Variants in NAMPT observed in about 807,000 individuals in gnomAD.
NAMPT encodes the protein nicotinamide phosphoribosyltransferase.
Under a neutral mutation model 58.7 loss-of-function variants are expected in NAMPT, and 7 were observed. That is an observed-to-expected ratio of 0.12 (90% CI 0.07 to 0.22). The LOEUF is 0.22. NAMPT is among the 10% of genes least tolerant of loss of function. The pLI, the probability that NAMPT is intolerant of heterozygous loss-of-function variation, is 1.00. For synonymous variants in NAMPT, 145 were observed against 198.1 expected (o/e 0.73, Z 2.25); for missense variants, 271 against 567.9 (o/e 0.48, Z 5.31).
intron 1 of NAMPT, among the ~76,000 whole-genome samples, chr7:106,278,990 G>A (rs1487225302): frequency 2.0e-5 from 3 of 152,160 alleles, no homozygotes; most frequent in African/African-American, 7.2e-5. Context: ...CTTTTTCTGA[G>A]AAGACGAAGA....
intron 3 of NAMPT, among the ~76,000 whole-genome samples, chr7:106,273,960 G>GT (rs1466901699): frequency 2.0e-5 from 3 of 151,702 alleles, no homozygotes; most frequent in African/African-American, 7.3e-5. Flanking sequence ...AGACTTAAAA[G>GT]TAACACTCAA....
Position 106,268,517 on chromosome 7 carries a change from A to G in NAMPT, c.690T>C (p.Tyr230=), listed in dbSNP as rs1270887370. The G allele has an allele frequency of 2.5e-6, 4 of 1,613,630 alleles. No individual in the cohort carries two copies. In the African/African-American group the frequency reaches 4.0e-5, roughly 16 times the overall value. The change falls in exon 6 of 11, where the codon TAT becomes TAC. Residue 230 remains tyrosine (Y), a synonymous_variant. Coordinates refer to ENST00000222553, the MANE Select transcript of NAMPT (RefSeq NM_005746.3). ...CTGGAACAGGATCTTTCGTTCCATA[A>G]TATTTTTTAATTAGAGCAAGTCCTG... ...TVAGLALIKK[Y]YGTKDPVPGY...
chr7:106,268,677 A>T, intron 5 of NAMPT, 77 bp from the exon 6 acceptor site: 1 of 999,488 alleles, frequency 1.0e-6, no homozygotes, highest in Non-Finnish European at 1.6e-6. Context: ...AGCCAACCAC[A>T]TTTAAGGAAT....
At chr7:106,260,070 T>C (rs1299824801) in intron 8 of NAMPT, among the ~76,000 whole-genome samples, 2 of 152,146 alleles carry the variant, frequency 1.3e-5, no homozygotes, top group East Asian at 3.8e-4. Flanking sequence ...AGCTTCCACT[T>C]AAAAGTGACC....
At chr7:106,253,901 A>AG (rs1464929540) in intron 9 of NAMPT, among the ~76,000 whole-genome samples, 2 of 152,066 alleles carry the variant, frequency 1.3e-5, no homozygotes, top group Non-Finnish European at 2.9e-5. Context: ...CAAAGAAGCA[A>AG]GGGGGGTTGT....
chr7:106,257,852 G>C (rs151171041), intron 8 of NAMPT, among the ~76,000 whole-genome samples: 8 of 152,148 alleles, frequency 5.3e-5, no homozygotes, highest in Admixed American at 5.2e-4. Flanking sequence ...TTCTGAAACA[G>C]ATACAGTACC....
intron 4 of NAMPT, among the ~76,000 whole-genome samples, chr7:106,271,712 A>G (rs1177911153): frequency 1.3e-5 from 2 of 152,096 alleles, no homozygotes; most frequent in Admixed American, 1.3e-4. Context: ...ATGTTTTCCA[A>G]TTTTTATAAG....
intron 1 of NAMPT, among the ~76,000 whole-genome samples, chr7:106,278,071 G>A (rs183672268): frequency 3.3e-5 from 5 of 152,158 alleles, no homozygotes; most frequent in African/African-American, 1.2e-4. Context: ...CATGGCAATG[G>A]CGGAATAAAT....
In NAMPT at chr7:106,268,581, G is replaced by C. The variant is rs750658110; in HGVS notation, c.626C>G (p.Ser209Cys). The change falls in exon 6 of 11, where the codon TCT becomes TGT. Residue 209 changes from serine (S) to cysteine (C), a missense_variant. Around this residue, in one of 4 missense-constraint regions of NAMPT, gnomAD observed 143 missense variants for 331.1 expected, o/e 0.43. Coordinates refer to ENST00000222553, the MANE Select transcript of NAMPT (RefSeq NM_005746.3). ...TCCTTTGAAGTTAACCAAGTGAGCA[G>C]ATGCTCCTATGCCAGCAGTCTGGAA... ...SSQETAGIGA[S>C]AHLVNFKGTD... The C allele has an allele frequency of 1.6e-5, 26 of 1,610,660 alleles. No individual in the cohort carries two copies. The highest frequency in any genetic ancestry group is 8.5e-7 in the Non-Finnish European group (1 of 1,177,004).
intron 8 of NAMPT, among the ~76,000 whole-genome samples, chr7:106,257,645 C>CA (rs2115737062): frequency 6.6e-6 from 1 of 151,128 alleles, no homozygotes; most frequent in Middle Eastern, 3.4e-3. Flanking sequence ...AAAAATCGCA[C>CA]ATACATTCCT....
chr7:106,279,857 T>C (rs954987054), intron 1 of NAMPT, among the ~76,000 whole-genome samples: 2 of 152,056 alleles, frequency 1.3e-5, no homozygotes, highest in African/African-American at 2.4e-5. Flanking sequence ...GAAGGTGACA[T>C]GTGAGCAAGA....
intron 4 of NAMPT, among the ~76,000 whole-genome samples, chr7:106,269,841 G>C (rs900905947): frequency 3.3e-5 from 5 of 152,130 alleles, no homozygotes; most frequent in Non-Finnish European, 1.5e-5. Context: ...TTTACTCCTC[G>C]AGGTAGTCTC....
intron 6 of NAMPT, among the ~76,000 whole-genome samples, chr7:106,266,373 C>A (rs1415434145): frequency 6.6e-6 from 1 of 152,126 alleles, no homozygotes. Context: ...TTTGAAATAA[C>A]CATCAACGAA....
chr7:106,265,575 A>G (rs936850148), intron 6 of NAMPT, among the ~76,000 whole-genome samples: 2 of 151,620 alleles, frequency 1.3e-5, no homozygotes, highest in Admixed American at 1.3e-4. Context: ...CTTAAAAAAA[A>G]AAAAAAAAAA....
chr7:106,272,764 T>C (rs1792560330), intron 3 of NAMPT, 106 bp from the exon 4 acceptor site: 22 of 1,222,166 alleles, frequency 1.8e-5, no homozygotes, highest in East Asian at 2.4e-5. Flanking sequence ...TTTACTGTCA[T>C]AGAAATTGCA....
At chr7:106,266,441 C>A (rs140871804) in intron 6 of NAMPT, among the ~76,000 whole-genome samples, 2,392 of 152,220 alleles carry the variant, frequency 0.016, 62 homozygotes, top group African/African-American at 0.054. Flanking sequence ...CATCTAAGGC[C>A]AAACTAAAAA....
chr7:106,281,617 A>G (rs1261686196), intron 1 of NAMPT, among the ~76,000 whole-genome samples: 1 of 152,248 alleles, frequency 6.6e-6, no homozygotes, highest in Non-Finnish European at 1.5e-5. Flanking sequence ...TGCTAGAAAC[A>G]GCAAAAACCA....
chr7:106,263,605 A>C lies in NAMPT; in HGVS notation c.756T>G (p.Ala252=), dbSNP rs761581800. 6.2e-7 allele frequency: 1 copy of C among 1,612,622 alleles called. No homozygotes were observed. The highest frequency in any genetic ancestry group is 1.7e-5 in the Admixed American group (1 of 59,932). ...VPAAEHSTIT[A]WGKDHEKDAF... is the part of the protein sequence containing the mutation. ...CATCTTTTTCATGGTCTTTCCCCCA[A>C]GCTGTTATGGTACTAGAAAAAAAAA... The change falls in exon 7 of 11, where the codon GCT becomes GCG. Residue 252 remains alanine (A), a synonymous_variant. Coordinates refer to ENST00000222553, the MANE Select transcript of NAMPT (RefSeq NM_005746.3).
Position 106,263,457 on chromosome 7 carries a change from T to G in NAMPT, c.904A>C (p.Arg302=), listed in dbSNP as rs533547041. 1.2e-6 allele frequency: 2 copies of G among 1,602,028 alleles called. No homozygotes were observed. The highest frequency in any genetic ancestry group is 1.7e-5 in the Admixed American group (1 of 59,854). ...GEDLRHLIVS[R]STQAPLIIRP... ...ATTATTAGTGGTGCCTGTGTACTTC[T>G]TGATACTATTAAATGTCTTAGATCT... The change falls in exon 7 of 11, where the codon AGA becomes CGA. Residue 302 remains arginine, a synonymous_variant. Transcript: ENST00000222553.
Sources: gnomAD v4.1 joint callset for allele counts (sites outside exome capture counted in the v4.1 genomes callset) on GRCh38, gnomAD v4.1.1 for gene constraint, gnomAD v4.1.1 regional missense constraint, MANE v1.5 for transcripts, NCBI Gene and HGNC (gene_info 2026-07-23, HGNC 2026-07-21) for gene names.